C8orf34: variants seen among roughly 807,000 people sequenced by gnomAD.
C8orf34 encodes chromosome 8 open reading frame 34.
A neutral mutation model predicts 68.3 loss-of-function variants in C8orf34; 65 were observed. The ratio of observed to expected loss-of-function variants is 0.95; its 90% CI spans 0.78 to 1.17. The LOEUF is 1.17. Ranked by LOEUF, C8orf34 falls within the 50% of genes most tolerant of loss-of-function variation. C8orf34 has a pLI of 0.00. For missense variants in C8orf34, 664 were observed against 655.4 expected, an observed-to-expected ratio of 1.01 and a Z score of -0.14; for synonymous variants, 244 against 241.2, an observed-to-expected ratio of 1.01 and a Z score of -0.11.
At chr8:68,570,728 C>T (rs867770665) in intron 7 of C8orf34, among the ~76,000 whole-genome samples, 6 of 152,152 alleles carry the variant, frequency 3.9e-5, no homozygotes, top group Admixed American at 2.0e-4. Flanking sequence ...TGGGAGCTTG[C>T]AAGCAATGTG....
intron 7 of C8orf34, among the ~76,000 whole-genome samples, chr8:68,555,526 A>G (rs566713433): frequency 1.9e-4 from 29 of 152,212 alleles, no homozygotes; most frequent in Admixed American, 5.9e-4. Flanking sequence ...CTCTTATACT[A>G]TTAATTTTCT....
chr8:68,562,355 G>T (rs568933934), intron 7 of C8orf34, among the ~76,000 whole-genome samples: 1 of 152,106 alleles, frequency 6.6e-6, no homozygotes, highest in Non-Finnish European at 1.5e-5. Flanking sequence ...TCATTATCTT[G>T]TATGACTTTT....
At chr8:68,651,460 G>T (rs7825271) in intron 8 of C8orf34, among the ~76,000 whole-genome samples, 128,236 of 152,154 alleles carry the variant, frequency 0.84, 54,056 homozygotes, top group South Asian at 0.87. Flanking sequence ...ATTTTTGGAC[G>T]TTCGAGAATA....
At chr8:68,789,024 A>T (rs140793104) in intron 12 of C8orf34, among the ~76,000 whole-genome samples, 1 of 152,180 alleles carries the variant, frequency 6.6e-6, no homozygotes, top group African/African-American at 2.4e-5. Flanking sequence ...CCCAAATGTG[A>T]AAGTATTAAT....
At position 68,598,857 on chromosome 8, in the gene C8orf34, G is replaced by A. The variant is rs541290834; in HGVS notation, c.1106-41519G>A. Among the ~76,000 whole-genome samples, 66 of 152,164 alleles carry A rather than the reference G, an allele frequency of 4.3e-4. No individual in the cohort carries two copies. The South Asian group carries it at 0.013, about 30-fold the overall frequency. On this transcript the variant is annotated intron_variant, in intron 7 of 13. Transcript: ENST00000518698. ...ATAAATAGAAGATACAGAGGACGAG[G>A]AAGAGGATTTTCTGTTATGAGAGGA...
intron 7 of C8orf34, among the ~76,000 whole-genome samples, chr8:68,635,794 C>A (rs1206595587): frequency 1.3e-5 from 2 of 152,148 alleles, no homozygotes; most frequent in African/African-American, 4.8e-5. Flanking sequence ...TGATGAGAAA[C>A]ACACTCTCCT....
chr8:68,422,175 A>G (rs1466290945), intron 1 of C8orf34, among the ~76,000 whole-genome samples: 1 of 152,168 alleles, frequency 6.6e-6, no homozygotes, highest in African/African-American at 2.4e-5. Context: ...TGTGTGTCCA[A>G]CAGTTCTGTA....
intron 12 of C8orf34, among the ~76,000 whole-genome samples, chr8:68,809,753 C>T (rs576709448): frequency 6.6e-6 from 1 of 152,256 alleles, no homozygotes; most frequent in East Asian, 1.9e-4. Context: ...TAAACTATTC[C>T]CTCGAGCAGA....
chr8:68,419,674 T>C (rs1336138044), intron 1 of C8orf34, among the ~76,000 whole-genome samples: 1 of 151,706 alleles, frequency 6.6e-6, no homozygotes, highest in African/African-American at 2.4e-5. Flanking sequence ...TCATGTCCTT[T>C]GTAGGGACAT....
chr8:68,806,404 A>G (rs1824486063), intron 12 of C8orf34, among the ~76,000 whole-genome samples: 1 of 152,118 alleles, frequency 6.6e-6, no homozygotes, highest in South Asian at 2.1e-4. Flanking sequence ...CTTTTAAAGG[A>G]TATTTTCACT....
At chr8:68,625,508 T>C in intron 7 of C8orf34, 1 of 602,050 alleles carries the variant, frequency 1.7e-6, no homozygotes, top group Non-Finnish European at 3.0e-6. Flanking sequence ...CCACTTGGGG[T>C]GGCGATGCTT....
chr8:68,568,035 G>C (rs1177186937), intron 7 of C8orf34, among the ~76,000 whole-genome samples: 1 of 152,094 alleles, frequency 6.6e-6, no homozygotes, highest in Non-Finnish European at 1.5e-5. Context: ...GGACTGAGAA[G>C]AAGCAGAGAG....
intron 10 of C8orf34, among the ~76,000 whole-genome samples, chr8:68,747,967 A>G (rs986205535): frequency 4.0e-5 from 6 of 151,876 alleles, no homozygotes; most frequent in African/African-American, 1.2e-4. Context: ...GAGACATCAC[A>G]CTACCTGACT....
rs1810807943 is a variant in C8orf34 at position 68,439,550 on chromosome 8, C to G, written c.379C>G (p.Leu127Val). The change falls in exon 2 of 14, where the codon CTC becomes GTC. Residue 127 changes from leucine (L) to valine (V), a missense_variant. Transcript: ENST00000518698. ...GACACCTGACCAGCCAATCCCATTT[C>G]TCATTGACCATCTTCAGTCTAAACA... ...TETPDQPIPF[L>V]IDHLQSKQGN... 1 of 1,613,746 alleles carries G rather than the reference C, an allele frequency of 6.2e-7. No individual in the cohort carries two copies. The highest frequency in any genetic ancestry group is 8.5e-7 in the Non-Finnish European group (1 of 1,179,774).
chr8:68,712,007 C>T, intron 9 of C8orf34, among the ~76,000 whole-genome samples: 1 of 152,094 alleles, frequency 6.6e-6, no homozygotes, highest in East Asian at 1.9e-4. Context: ...ACCCTACAAC[C>T]CAGAAGGGAT....
chr8:68,708,797 T>G (rs1286733431), intron 8 of C8orf34, among the ~76,000 whole-genome samples, 197 bp from the exon 9 acceptor site: 1 of 152,200 alleles, frequency 6.6e-6, no homozygotes, highest in African/African-American at 2.4e-5. Context: ...ACAGGAAGTA[T>G]AGAAGACTTT....
chr8:68,607,935 C>A (rs574149896), intron 7 of C8orf34, among the ~76,000 whole-genome samples: 1 of 152,018 alleles, frequency 6.6e-6, no homozygotes, highest in Non-Finnish European at 1.5e-5. Flanking sequence ...AATTATAGAG[C>A]GACTTTGGAA....
At chr8:68,797,420 C>G (rs1824209512) in intron 12 of C8orf34, among the ~76,000 whole-genome samples, 1 of 152,022 alleles carries the variant, frequency 6.6e-6, no homozygotes. Flanking sequence ...CATGACTTCC[C>G]CTCTCATTAC....
At chr8:68,358,007 A>G (rs1806820552) in intron 1 of C8orf34, among the ~76,000 whole-genome samples, 1 of 151,946 alleles carries the variant, frequency 6.6e-6, no homozygotes, top group South Asian at 2.1e-4. Context: ...GTTTTACTTT[A>G]TCTTTTTCAC....
Sources: gnomAD v4.1 joint callset for allele counts (sites outside exome capture counted in the v4.1 genomes callset) on GRCh38, gnomAD v4.1.1 for gene constraint, MANE v1.5 for transcripts, NCBI Gene and HGNC (gene_info 2026-07-23, HGNC 2026-07-21) for gene names.